ALG9: variants seen among roughly 807,000 people sequenced by gnomAD.
ALG9 encodes ALG9 alpha-1,2-mannosyltransferase.
ALG9 carries 55 observed loss-of-function variants against 81.8 expected under a neutral mutation model. That is an observed-to-expected ratio of 0.67 (90% CI 0.54 to 0.84). The LOEUF (loss-of-function observed/expected upper bound fraction) is 0.84. ALG9 is among the 40% of genes least tolerant of loss of function. The probability of loss-of-function intolerance (pLI) is 0.00; values close to 1 mark genes in which losing one functional copy is unlikely to be tolerated. For missense variants in ALG9, 629 were observed against 745.0 expected (o/e 0.84, Z 1.81); for synonymous variants, 278 against 274.3 (o/e 1.01, Z -0.13).
At chr11:111,865,152 A>T in intron 4 of ALG9, 29 bp downstream of exon 4, 1 of 1,505,642 alleles carries the variant, frequency 6.6e-7, no homozygotes, top group African/African-American at 1.4e-5. Flanking sequence ...TCCTCACAGC[A>T]CTTTTAGAAG....
At chr11:111,812,004 ATATTT>A (rs1565773777) in intron 13 of ALG9, among the ~76,000 whole-genome samples, 1 of 152,198 alleles carries the variant, frequency 6.6e-6, no homozygotes, top group African/African-American at 2.4e-5. Flanking sequence ...TGTGTTGTGC[ATATTT>A]TATAATTAAA....
downstream of ALG9, among the ~76,000 whole-genome samples, chr11:111,777,941 G>C (rs1021791215): frequency 7.2e-5 from 11 of 152,156 alleles, no homozygotes; most frequent in African/African-American, 2.7e-4. Flanking sequence ...CTTTGCTCTC[G>C]TGTCTGAGGG....
rs968054610 is a variant in ALG9, at chr11:111,860,968, T to C, written c.477-333A>G. ...TTCTGGCTCTGCCACTTACTAGCAG[T>C]GGAACCCTACTCTGGTTGAATAATG... On this transcript the variant is annotated intron_variant, in intron 4 of 14. Transcript: ENST00000616540. 5.9e-5 allele frequency among the ~76,000 whole-genome samples: 9 copies of C among 152,350 alleles called. No homozygotes were observed. The South Asian group carries it at 1.9e-3, about 32-fold the overall frequency.
At chr11:111,805,055 G>C (rs1555083864) in intron 14 of ALG9, 1 of 318,410 alleles carries the variant, frequency 3.1e-6, no homozygotes, top group Admixed American at 4.4e-5. Flanking sequence ...GGCTGTTTGT[G>C]TCCCCTCAAA....
At position 111,809,644 on chromosome 11, in the gene ALG9, T is replaced by C. The variant is rs1555089112; in HGVS notation, c.1732A>G (p.Arg578Gly). ...TCCCATAGGATTAAAGCCACATACC[T>C]AGAAGCATCAAGGAATGGTCTATAG... ...LAYRPFLDAS[R>G]SSKLLRAFYV... The change falls in exon 14 of 15, where the codon AGA becomes GGA. Residue 578 changes from arginine to glycine, a missense_variant and splice_region_variant. Arg to Gly is a moderately radical substitution (Grantham distance 125). Coordinates refer to ENST00000616540, the MANE Select transcript of ALG9 (RefSeq NM_024740.2). The C allele has an allele frequency of 6.2e-7, 1 of 1,614,034 alleles. No individual in the cohort carries two copies. Among genetic ancestry groups the C allele is most frequent in the Non-Finnish European group, 8.5e-7 (1 of 1,179,950 alleles).
At position 111,805,145 on chromosome 11, in the gene ALG9, A is replaced by G. The variant is rs145740917; in HGVS notation, c.1733+4498T>C. The G allele has an allele frequency of 9.9e-3, 3,959 of 400,040 alleles. 34 individuals carry two copies. The highest frequency in any genetic ancestry group is 0.016 in the Non-Finnish European group (3,170 of 200,778). 24.8% of individuals were successfully genotyped at this position (400,040 alleles called of 1,614,324 possible). ...CTTTGGAAGGGAATTAGGTCAAAAG[A>G]GTGGAGCACTCAACAATGGGATTAA... On this transcript the variant is annotated intron_variant, in intron 14 of 14. Coordinates refer to ENST00000616540, the MANE Select transcript of ALG9 (RefSeq NM_024740.2).
chr11:111,834,355 A>G (rs543119959), intron 13 of ALG9, among the ~76,000 whole-genome samples: 2 of 152,308 alleles, frequency 1.3e-5, no homozygotes, highest in East Asian at 3.9e-4. Context: ...CTGGAATAAA[A>G]TTACAAGGAT....
chr11:111,862,279 G>C (rs1555148691), intron 4 of ALG9, among the ~76,000 whole-genome samples: 1 of 149,248 alleles, frequency 6.7e-6, no homozygotes, highest in Non-Finnish European at 1.5e-5. Flanking sequence ...ACTTGCCCAG[G>C]CTGGAGTGCA....
rs1335212490 is a variant in ALG9 at position 111,860,580 on chromosome 11, C to T, written c.532G>A (p.Val178Ile). The T allele has an allele frequency of 1.9e-6, 3 of 1,613,990 alleles. No individual in the cohort carries two copies. The African/African-American group carries it at 4.0e-5, about 22-fold the overall frequency. Residue 178 changes from valine to isoleucine, a missense_variant, in exon 5 of 15, where the codon GTT becomes ATT. Transcript: ENST00000616540. ...HVSRMMLAFL[V>I]LSTGMFCSSS... Reference sequence around the variant, plus strand: ...GAGCAAAACATGCCAGTGCTGAGAACCAAGAAGGCTAGCATCATTCGACTC... The same window carrying T: ...GAGCAAAACATGCCAGTGCTGAGAATCAAGAAGGCTAGCATCATTCGACTC...
intron 14 of ALG9, among the ~76,000 whole-genome samples, chr11:111,808,231 C>A (rs1565736631): frequency 6.6e-6 from 1 of 152,144 alleles, no homozygotes; most frequent in Non-Finnish European, 1.5e-5. Flanking sequence ...GAGAATCACT[C>A]AAGAACTCAG....
chr11:111,866,633 G>T (rs1034308180), intron 3 of ALG9, among the ~76,000 whole-genome samples: 1 of 151,820 alleles, frequency 6.6e-6, no homozygotes, highest in African/African-American at 2.4e-5. Context: ...GCACATCAGT[G>T]ATGTAACAGG....
downstream of ALG9, among the ~76,000 whole-genome samples, chr11:111,778,687 C>G (rs1945760004): frequency 6.6e-6 from 1 of 152,156 alleles, no homozygotes; most frequent in African/African-American, 2.4e-5. Flanking sequence ...GTGTTCAACT[C>G]TAGCTACCTG....
intron 4 of ALG9, among the ~76,000 whole-genome samples, chr11:111,862,170 A>T (rs1960407110): frequency 6.6e-6 from 1 of 151,234 alleles, no homozygotes; most frequent in Non-Finnish European, 1.5e-5. Context: ...GCATTCTATC[A>T]TCTCCTTCTA....
intron 8 of ALG9, among the ~76,000 whole-genome samples, chr11:111,850,513 C>T (rs1957596280): frequency 6.6e-6 from 1 of 151,252 alleles, no homozygotes; most frequent in Non-Finnish European, 1.5e-5. Flanking sequence ...CAAGAGCAGC[C>T]TGGCCAACAT....
rs186971826 is a variant in ALG9 at position 111,812,899 on chromosome 11, G to A, written c.1603-3126C>T. Among the ~76,000 whole-genome samples the A allele has an allele frequency of 7.0e-3, 829 of 118,502 alleles. 10 individuals carry two copies. Among genetic ancestry groups the A allele is most frequent in the African/African-American group, 0.028 (777 of 27,850 alleles). The allele number at this position is 118,502 out of a possible 152,430, so 77.7% of individuals were successfully genotyped here. ...ACCACTGCACTCCAGCCTGGTGACA[G>A]AGCAAGACTCTGTCTCAAAAAAAAA... On this transcript the variant is annotated intron_variant, in intron 13 of 14. Transcript: ENST00000616540.
At chr11:111,863,940 G>A (rs998907902) in intron 4 of ALG9, among the ~76,000 whole-genome samples, 17 of 152,156 alleles carry the variant, frequency 1.1e-4, no homozygotes, top group African/African-American at 4.1e-4. Context: ...TAAGGATATG[G>A]TATTTATGAC....
At chr11:111,846,812 G>T (rs1031015536) in intron 8 of ALG9, among the ~76,000 whole-genome samples, 1 of 152,136 alleles carries the variant, frequency 6.6e-6, no homozygotes, top group African/African-American at 2.4e-5. Context: ...TCTTTTCAGG[G>T]AGATATTCAA....
intron 6 of ALG9, among the ~76,000 whole-genome samples, chr11:111,856,680 T>C (rs1378465716): frequency 6.6e-6 from 1 of 150,920 alleles, no homozygotes; most frequent in Admixed American, 6.6e-5. Context: ...AACCTTAGCA[T>C]CAGATTAAAA....
intron 14 of ALG9, among the ~76,000 whole-genome samples, chr11:111,806,673 T>C (rs1949980827): frequency 6.6e-6 from 1 of 152,164 alleles, no homozygotes; most frequent in African/African-American, 2.4e-5. Context: ...TTTTAAAAAA[T>C]ATCATCTAAA....
Sources: allele counts gnomAD v4.1 joint callset (sites outside exome capture counted in the v4.1 genomes callset), GRCh38; gene constraint gnomAD v4.1.1; transcripts MANE v1.5; gene names NCBI Gene and HGNC (gene_info 2026-07-23, HGNC 2026-07-21).